Variants in B3GLCT observed in about 807,000 individuals in gnomAD.
B3GLCT encodes the protein beta-1,3-glucosyltransferase.
A neutral mutation model predicts 63.4 loss-of-function variants in B3GLCT; 65 were observed. The ratio of observed to expected loss-of-function variants is 1.03; its 90% CI spans 0.84 to 1.26. The LOEUF (loss-of-function observed/expected upper bound fraction) is 1.26, where lower values mean the gene tolerates loss of function less well. B3GLCT is among the 50% of genes most tolerant of loss of function. B3GLCT has a pLI of 0.00. For synonymous variants in B3GLCT, 233 were observed against 219.2 expected (o/e 1.06, Z -0.55); for missense variants, 577 against 604.8 (o/e 0.95, Z 0.48).
chr13:31,296,523 C>T (rs1282031434), intron 12 of B3GLCT, among the ~76,000 whole-genome samples: 1 of 152,128 alleles, frequency 6.6e-6, no homozygotes, highest in Non-Finnish European at 1.5e-5. Context: ...AAAGGTCCCA[C>T]CTCTAAATAG....
At position 31,274,638 on chromosome 13, in the gene B3GLCT, A is replaced by T; in HGVS notation, c.780+10A>T. On this transcript the variant is annotated intron_variant, in intron 9 of 14. Coordinates refer to ENST00000343307, the MANE Select transcript of B3GLCT (RefSeq NM_194318.4). ...TTTTCTACCGCTTTGTGTGAGTAAC[A>T]GAAGAAAAACTTCTTTGCATATCAA... The T allele has an allele frequency of 6.2e-7, 1 of 1,614,220 alleles. No individual in the cohort carries two copies. The highest frequency in any genetic ancestry group is 1.1e-5 in the South Asian group (1 of 91,088).
Position 31,252,423 on chromosome 13 carries a change from C to A in B3GLCT, c.459+4457C>A, listed in dbSNP as rs370661163. Among the ~76,000 whole-genome samples, 47 of 152,174 alleles carry A rather than the reference C, an allele frequency of 3.1e-4. 1 individual carries two copies. In the East Asian group the frequency reaches 7.5e-3, roughly 24 times the overall value. On this transcript the variant is annotated intron_variant, in intron 6 of 14. Coordinates refer to ENST00000343307, the MANE Select transcript of B3GLCT (RefSeq NM_194318.4). ...GCTCCAGTTAAAAGACACAGACTGG[C>A]AAATTGGATAAAGAGTTAAGACCCA... is the stretch of plus-strand genomic sequence containing the variant.
chr13:31,247,143 T>C (rs1034702493), intron 5 of B3GLCT, 44 bp downstream of exon 5: 20 of 1,444,790 alleles, frequency 1.4e-5, no homozygotes, highest in Non-Finnish European at 1.9e-5. Context: ...CATTCCTACC[T>C]GAACACTTTT....
intron 8 of B3GLCT, among the ~76,000 whole-genome samples, chr13:31,274,265 T>A (rs575565192): frequency 6.6e-6 from 1 of 152,338 alleles, no homozygotes; most frequent in South Asian, 2.1e-4. Context: ...TACTTCGGAA[T>A]TTTTTGGAGG....
intron 10 of B3GLCT, among the ~76,000 whole-genome samples, chr13:31,279,375 C>A (rs1003095262): frequency 6.6e-6 from 1 of 151,856 alleles, no homozygotes; most frequent in Non-Finnish European, 1.5e-5. Context: ...TTTCTATTTT[C>A]CCTAAGTGTT....
In B3GLCT at chr13:31,253,070, G is replaced by A. The variant is rs770754051; in HGVS notation, c.459+5104G>A. Among the ~76,000 whole-genome samples the A allele has an allele frequency of 1.6e-3, 247 of 152,242 alleles. 1 individual carries two copies. The highest frequency in any genetic ancestry group is 0.01 in the Middle Eastern group (3 of 294). ...AGGACTAAGAAACTCACTCAAAACCGCACAACTATGTGGAAACTGAACAAC... is the reference window on the plus strand; with the variant it reads ...AGGACTAAGAAACTCACTCAAAACCACACAACTATGTGGAAACTGAACAAC... On this transcript the variant is annotated intron_variant, in intron 6 of 14. Coordinates refer to ENST00000343307, the MANE Select transcript of B3GLCT (RefSeq NM_194318.4).
rs139414498 is a variant in B3GLCT at position 31,271,669 on chromosome 13, C to A, written c.660+2392C>A. Among the ~76,000 whole-genome samples, 89 of 152,270 alleles carry A rather than the reference C, an allele frequency of 5.8e-4. 1 individual carries two copies. In the East Asian group the frequency reaches 0.013, roughly 22 times the overall value. Reference sequence around the variant, plus strand: ...CCTAGCTCATGTTCAGTTTTCATATCTATTAGATTGAAGAAAGTATTAATG... The same window carrying A: ...CCTAGCTCATGTTCAGTTTTCATATATATTAGATTGAAGAAAGTATTAATG... On this transcript the variant is annotated intron_variant, in intron 8 of 14. Coordinates refer to ENST00000343307, the MANE Select transcript of B3GLCT (RefSeq NM_194318.4).
chr13:31,308,282 T>C (rs1279296965), intron 12 of B3GLCT, among the ~76,000 whole-genome samples: 1 of 46,388 alleles, frequency 2.2e-5, no homozygotes, highest in Non-Finnish European at 4.6e-5. Context: ...TGTATACATA[T>C]GTAACTAACC....
intron 4 of B3GLCT, among the ~76,000 whole-genome samples, chr13:31,241,100 A>G (rs1215968836): frequency 6.6e-6 from 1 of 152,224 alleles, no homozygotes; most frequent in African/African-American, 2.4e-5. Context: ...CAGTAATGAA[A>G]TCTTCACACC....
chr13:31,201,480 G>A (rs1205134638), intron 1 of B3GLCT, among the ~76,000 whole-genome samples: 1 of 152,188 alleles, frequency 6.6e-6, no homozygotes, highest in East Asian at 1.9e-4. Flanking sequence ...GGCTGGAATC[G>A]GCTTCAGTGG....
At chr13:31,268,404 A>G (rs780918746) in intron 7 of B3GLCT, among the ~76,000 whole-genome samples, 3 of 152,166 alleles carry the variant, frequency 2.0e-5, no homozygotes, top group Non-Finnish European at 4.4e-5. Flanking sequence ...TATAGCACAG[A>G]GAGAGTTATG....
At chr13:31,248,182 A>G (rs1365563566) in intron 6 of B3GLCT, among the ~76,000 whole-genome samples, 1 of 152,260 alleles carries the variant, frequency 6.6e-6, no homozygotes, top group African/African-American at 2.4e-5. Flanking sequence ...TTTTAAATGA[A>G]AAAAATCTGT....
At chr13:31,326,636 C>T (rs1875642498) in intron 14 of B3GLCT, among the ~76,000 whole-genome samples, 1 of 152,086 alleles carries the variant, frequency 6.6e-6, no homozygotes, top group East Asian at 1.9e-4. Flanking sequence ...CAGATGCCTA[C>T]CACACTCTGT....
intron 2 of B3GLCT, among the ~76,000 whole-genome samples, chr13:31,218,769 TTCCTGTTTTCAAGGGGA>T (rs763168883): frequency 6.6e-6 from 1 of 152,176 alleles, no homozygotes; most frequent in Non-Finnish European, 1.5e-5. Context: ...CCTTGTCTTG[TTCCTGTTTTCAAGGGGA>T]AAGCTTCCAG....
At chr13:31,266,049 G>A (rs1236020580) in intron 7 of B3GLCT, among the ~76,000 whole-genome samples, 1 of 152,002 alleles carries the variant, frequency 6.6e-6, no homozygotes, top group Non-Finnish European at 1.5e-5. Flanking sequence ...GCCCAGGCTG[G>A]AGTACAGTGG....
intron 12 of B3GLCT, among the ~76,000 whole-genome samples, chr13:31,310,736 G>A (rs2137922132): frequency 6.6e-6 from 1 of 152,308 alleles, no homozygotes; most frequent in Non-Finnish European, 1.5e-5. Flanking sequence ...GCTTCCTGGG[G>A]GCTCAGAGCT....
At chr13:31,266,234 A>G (rs917645668) in intron 7 of B3GLCT, among the ~76,000 whole-genome samples, 25 of 152,000 alleles carry the variant, frequency 1.6e-4, no homozygotes, top group South Asian at 1.0e-3. Context: ...TCCTGACCTC[A>G]TGTTTTGCCC....
rs781181291 is a variant in B3GLCT, at chr13:31,222,985, G to T, written c.154G>T (p.Asp52Tyr). Residue 52 changes from aspartate (D) to tyrosine (Y), a missense_variant, in exon 3 of 15, where the codon GAC becomes TAC. Asp to Tyr is a radical substitution (Grantham distance 160). Coordinates refer to ENST00000343307, the MANE Select transcript of B3GLCT (RefSeq NM_194318.4). ...GAAAAGTGGTATATCAAGGAAAAAT[G>T]ACATAGGTAAGTAATGATTTTTTTT... ...LEKSGISRKN[D>Y]IDLKGIVFVI... 1 of 1,505,076 alleles carries T rather than the reference G, an allele frequency of 6.6e-7. No homozygotes were observed. Among genetic ancestry groups the T allele is most frequent in the African/African-American group, 1.4e-5 (1 of 72,614 alleles). 93.2% of individuals were successfully genotyped at this position (1,505,076 alleles called of 1,614,324 possible). A position where few individuals can be genotyped will look rare whatever the true frequency, so the allele number is the denominator to read the frequency against.
rs144673223 is a variant in B3GLCT, at chr13:31,204,306, C to T, written c.70+4152C>T. Reference sequence around the variant, plus strand: ...AGAGGGTGCTACTGACATCTAGAGTCAGGGGTGCTGCTGAACATCCTACAA... The same window carrying T: ...AGAGGGTGCTACTGACATCTAGAGTTAGGGGTGCTGCTGAACATCCTACAA... On this transcript the variant is annotated intron_variant, in intron 1 of 14. Transcript: ENST00000343307. 5.9e-4 allele frequency among the ~76,000 whole-genome samples: 90 copies of T among 152,280 alleles called. 1 individual carries two copies. In the Middle Eastern group the frequency reaches 0.01, roughly 17 times the overall value.
Sources: allele counts gnomAD v4.1 joint callset (sites outside exome capture counted in the v4.1 genomes callset), GRCh38; gene constraint gnomAD v4.1.1; transcripts MANE v1.5; gene names NCBI Gene and HGNC (gene_info 2026-07-23, HGNC 2026-07-21).